MDN1: variants seen among roughly 807,000 people sequenced by gnomAD.
MDN1 encodes midasin.
A neutral mutation model predicts 669.2 loss-of-function variants in MDN1; 266 were observed. The ratio of observed to expected loss-of-function variants is 0.40; its 90% CI spans 0.36 to 0.44. The LOEUF is 0.44. MDN1 is among the 20% of genes least tolerant of loss of function. MDN1 has a pLI of 1.00. For synonymous variants in MDN1, 2,385 were observed against 2,457.1 expected (o/e 0.97, Z 0.87); for missense variants, 5,940 against 6,754.0 (o/e 0.88, Z 4.22).
intron 5 of MDN1, 75 bp from the exon 6 acceptor site, chr6:89,790,476 C>T: frequency 6.3e-7 from 1 of 1,581,548 alleles, no homozygotes; most frequent in Non-Finnish European, 8.6e-7. Flanking sequence ...CCACAGTAAG[C>T]CTTCTACTAA....
At chr6:89,765,649 G>C (rs1817772902) in intron 15 of MDN1, among the ~76,000 whole-genome samples, 1 of 152,062 alleles carries the variant, frequency 6.6e-6, no homozygotes, top group Non-Finnish European at 1.5e-5. Context: ...GTATAAATGG[G>C]ATCCAAAGTT....
chr6:89,794,048 A>G, intron 4 of MDN1, 52 bp downstream of exon 4: 1 of 579,058 alleles, frequency 1.7e-6, no homozygotes, highest in Non-Finnish European at 2.5e-6. Context: ...CCCAGAAAAG[A>G]AAAAAAAAAA....
At chr6:89,763,144 T>C (rs926845432) in intron 15 of MDN1, among the ~76,000 whole-genome samples, 3 of 152,106 alleles carry the variant, frequency 2.0e-5, no homozygotes, top group African/African-American at 4.8e-5. Flanking sequence ...TAAATATGTA[T>C]AGGGCATAAT....
intron 1 of MDN1, among the ~76,000 whole-genome samples, chr6:89,818,744 G>C (rs535966225): frequency 5.3e-5 from 8 of 151,886 alleles, no homozygotes; most frequent in Non-Finnish European, 1.0e-4. Flanking sequence ...GGGAGGCGGA[G>C]GGTGCAGTAA....
intron 11 of MDN1, among the ~76,000 whole-genome samples, chr6:89,776,971 C>T (rs1248288107): frequency 6.6e-6 from 1 of 152,100 alleles, no homozygotes; most frequent in East Asian, 1.9e-4. Flanking sequence ...ATCCTAGCTT[C>T]GGGCAAAGAA....
Position 89,749,104 on chromosome 6 carries a change from T to TA in MDN1, c.3762+118dup, listed in dbSNP as rs904883997. Reference sequence around the variant, plus strand: ...TAAAAAAATTAAAAACAATAAAAAATAAAAAAAAATCTCTACTTGGAAAAA... The same window carrying TA: ...TAAAAAAATTAAAAACAATAAAAAATAAAAAAAAAATCTCTACTTGGAAAAA... On this transcript the variant is annotated intron_variant, in intron 26 of 101. Coordinates refer to ENST00000369393, the MANE Select transcript of MDN1 (RefSeq NM_014611.3). 2.0e-4 allele frequency: 192 copies of TA among 951,608 alleles called. 1 individual carries two copies. The highest frequency in any genetic ancestry group is 2.5e-4 in the South Asian group (10 of 40,308). 58.9% of individuals were successfully genotyped at this position (951,608 alleles called of 1,614,324 possible).
At chr6:89,717,747 GGC>G (rs1257209356) in intron 43 of MDN1, among the ~76,000 whole-genome samples, 1 of 152,172 alleles carries the variant, frequency 6.6e-6, no homozygotes, top group Non-Finnish European at 1.5e-5. Flanking sequence ...AATGTTTGCT[GGC>G]CAAGAAGTGG....
intron 7 of MDN1, 148 bp downstream of exon 7, chr6:89,789,632 C>A: frequency 1.2e-6 from 1 of 863,312 alleles, no homozygotes; most frequent in African/African-American, 1.7e-5. Flanking sequence ...CAAATCAGAT[C>A]AGGTAAGTAA....
intron 32 of MDN1, among the ~76,000 whole-genome samples, chr6:89,739,740 A>G (rs755266670): frequency 1.4e-4 from 21 of 152,222 alleles, no homozygotes; most frequent in Non-Finnish European, 2.1e-4. Context: ...GCAGTCAGAA[A>G]GTGACACACA....
At chr6:89,733,433 A>G (rs1467299207) in intron 33 of MDN1, among the ~76,000 whole-genome samples, 1 of 152,022 alleles carries the variant, frequency 6.6e-6, no homozygotes, top group Non-Finnish European at 1.5e-5. Context: ...GTACTTTATA[A>G]AACGTCTTAA....
chr6:89,786,924 C>CAAAAAA (rs35077997), intron 8 of MDN1, among the ~76,000 whole-genome samples: 11 of 76,576 alleles, frequency 1.4e-4, no homozygotes, highest in Non-Finnish European at 2.2e-4. Flanking sequence ...GACTCCATCT[C>CAAAAAA]AAAAAAAAAA....
chr6:89,768,564 C>T (rs1817917890), intron 15 of MDN1, among the ~76,000 whole-genome samples: 1 of 152,022 alleles, frequency 6.6e-6, no homozygotes, highest in Non-Finnish European at 1.5e-5. Flanking sequence ...AGTGTGACCT[C>T]ATCTCTACAA....
intron 33 of MDN1, among the ~76,000 whole-genome samples, chr6:89,736,436 C>A (rs781524163): frequency 9.2e-5 from 14 of 152,186 alleles, no homozygotes; most frequent in Non-Finnish European, 1.9e-4. Flanking sequence ...AAGGTAACTT[C>A]CTGAAGGAAT....
chr6:89,715,597 A>G, intron 45 of MDN1, 56 bp downstream of exon 45: 2 of 1,041,204 alleles, frequency 1.9e-6, no homozygotes, highest in East Asian at 4.7e-5. Context: ...CTGAACGTCT[A>G]CCTCTGCTAC....
At chr6:89,795,188 T>C (rs945384370) in intron 2 of MDN1, among the ~76,000 whole-genome samples, 56 of 152,208 alleles carry the variant, frequency 3.7e-4, no homozygotes, top group African/African-American at 1.3e-3. Flanking sequence ...GAAAAGGCAC[T>C]CATTTCCAAC....
chr6:89,686,857 G>A, intron 69 of MDN1, 45 bp downstream of exon 69: 3 of 1,607,254 alleles, frequency 1.9e-6, no homozygotes, highest in Non-Finnish European at 2.5e-6. Context: ...ACTCCATTTA[G>A]CCGGGAAGCT....
In MDN1 at chr6:89,803,327, C is replaced by T. The variant is rs547207535; in HGVS notation, c.329+1G>A. 5 of 1,612,308 alleles carry T rather than the reference C, an allele frequency of 3.1e-6. No individual in the cohort carries two copies. The highest frequency in any genetic ancestry group is 2.2e-5 in the South Asian group (2 of 91,050). On this transcript the variant is annotated splice_donor_variant, in intron 2 of 101. Coordinates refer to ENST00000369393, the MANE Select transcript of MDN1 (RefSeq NM_014611.3). LOFTEE classifies it high-confidence loss of function. ...ATGCGAATAATAAAATTGCTACTCA[C>T]GGGAGGACATCAGGATGGTTACCAA...
intron 1 of MDN1, among the ~76,000 whole-genome samples, chr6:89,810,834 C>A (rs1456668364): frequency 6.6e-6 from 1 of 152,106 alleles, no homozygotes; most frequent in Non-Finnish European, 1.5e-5. Flanking sequence ...CACATCTCTA[C>A]TAAAAATACA....
intron 40 of MDN1, among the ~76,000 whole-genome samples, chr6:89,721,492 T>C (rs1352227425): frequency 2.0e-5 from 3 of 152,212 alleles, no homozygotes; most frequent in African/African-American, 7.2e-5. Context: ...TTGGCTTGAC[T>C]ACCCTGTGTG....
Sources: allele counts gnomAD v4.1 joint callset (sites outside exome capture counted in the v4.1 genomes callset), GRCh38; gene constraint gnomAD v4.1.1; transcripts MANE v1.5; gene names NCBI Gene and HGNC (gene_info 2026-07-23, HGNC 2026-07-21).